Variants in SDK1 observed in about 807,000 individuals in gnomAD.
The protein encoded by SDK1 is protein sidekick-1.
SDK1 carries 157 observed loss-of-function variants against 245.5 expected under a neutral mutation model. The ratio of observed to expected loss-of-function variants is 0.64; its 90% CI spans 0.56 to 0.73. The LOEUF is 0.73. Among genes scored for constraint, SDK1 ranks in the 30% least tolerant of loss-of-function variants. SDK1 has a pLI of 0.00. For synonymous variants in SDK1, 1,647 were observed against 1,278.5 expected, an observed-to-expected ratio of 1.29 and a Z score of -6.15; for missense variants, 3,583 against 3,002.3, an observed-to-expected ratio of 1.19 and a Z score of -4.52.
At chr7:4,081,077 C>G (rs933838759) in intron 22 of SDK1, among the ~76,000 whole-genome samples, 2 of 152,206 alleles carry the variant, frequency 1.3e-5, no homozygotes, top group Non-Finnish European at 2.9e-5. Context: ...TGGTGTCTGA[C>G]GATGCCGCAT....
chr7:3,410,401 A>G (rs978697104), intron 1 of SDK1, among the ~76,000 whole-genome samples: 1 of 152,078 alleles, frequency 6.6e-6, no homozygotes, highest in Non-Finnish European at 1.5e-5. Context: ...CGCATTATGT[A>G]TATGCAAATA....
intron 1 of SDK1, among the ~76,000 whole-genome samples, chr7:3,411,384 TAC>T (rs1481266107): frequency 6.6e-6 from 1 of 152,196 alleles, no homozygotes; most frequent in Non-Finnish European, 1.5e-5. Flanking sequence ...TGACTACACA[TAC>T]AGTTATAAGA....
At chr7:3,628,637 T>A (rs932436430) in intron 2 of SDK1, among the ~76,000 whole-genome samples, 2 of 152,188 alleles carry the variant, frequency 1.3e-5, no homozygotes, top group African/African-American at 4.8e-5. Flanking sequence ...ATTGTCTAAT[T>A]CTATGGCTGA....
chr7:4,195,650 A>G (rs1230323581), intron 35 of SDK1, among the ~76,000 whole-genome samples: 1 of 152,182 alleles, frequency 6.6e-6, no homozygotes, highest in Non-Finnish European at 1.5e-5. Flanking sequence ...AGAAGCCAGA[A>G]TGCCCAGGTC....
Position 3,431,892 on chromosome 7 carries a change from C to T in SDK1, c.298+130008C>T, listed in dbSNP as rs192016455. On this transcript the variant is annotated intron_variant, in intron 1 of 44. Transcript: ENST00000404826. ...TTTTTTTTTAAATGGCTGAAGCCTG[C>T]GGTTTATAAAAAGATTCTCCCTAGA... Among the ~76,000 whole-genome samples, 541 of 151,824 alleles carry T rather than the reference C, an allele frequency of 3.6e-3. 2 individuals carry two copies. The highest frequency in any genetic ancestry group is 0.013 in the African/African-American group (523 of 41,412).
intron 20 of SDK1, among the ~76,000 whole-genome samples, chr7:4,076,359 G>A (rs1460780794): frequency 1.3e-5 from 2 of 152,256 alleles, no homozygotes; most frequent in East Asian, 3.9e-4. Flanking sequence ...TTCCAGACCA[G>A]CCTGGGCAAC....
At chr7:3,627,346 C>T (rs1315816898) in intron 2 of SDK1, among the ~76,000 whole-genome samples, 1 of 152,140 alleles carries the variant, frequency 6.6e-6, no homozygotes, top group East Asian at 1.9e-4. Context: ...TTCATACCTC[C>T]TTCAATAAGT....
At chr7:4,154,496 G>A (rs1398333414) in intron 30 of SDK1, among the ~76,000 whole-genome samples, 2 of 152,150 alleles carry the variant, frequency 1.3e-5, no homozygotes, top group Non-Finnish European at 2.9e-5. Context: ...GGCCCGGGGA[G>A]TCACCAGGCA....
At chr7:3,310,375 T>C (rs944954112) in intron 1 of SDK1, among the ~76,000 whole-genome samples, 1 of 152,168 alleles carries the variant, frequency 6.6e-6, no homozygotes, top group African/African-American at 2.4e-5. Flanking sequence ...GTAGATGTGT[T>C]GGACTGTAAC....
At chr7:4,162,474 C>A (rs996664540) in intron 32 of SDK1, among the ~76,000 whole-genome samples, 2 of 151,382 alleles carry the variant, frequency 1.3e-5, no homozygotes, top group African/African-American at 4.8e-5. Flanking sequence ...ATCTAGGCTC[C>A]CTGCAACCTC....
In SDK1 at chr7:4,174,298, G is replaced by A. The variant is rs759559618; in HGVS notation, c.4877G>A (p.Gly1626Glu). 5.3e-5 allele frequency: 85 copies of A among 1,613,924 alleles called. No homozygotes were observed. The highest frequency in any genetic ancestry group is 7.2e-5 in the Non-Finnish European group (85 of 1,179,836). The change falls in exon 33 of 45, where the codon GGG becomes GAG. Residue 1626 changes from glycine (G) to glutamate (E), a missense_variant. By Grantham distance (98) the Gly-to-Glu change is moderately conservative. Transcript: ENST00000404826. Reference sequence around the variant, plus strand: ...TACAGGGAGCTGGAGTATGAAGCCGGGTCAGGCACTGAGGCCAAGACGCTC... The same window carrying A: ...TACAGGGAGCTGGAGTATGAAGCCGAGTCAGGCACTGAGGCCAAGACGCTC... ...IYYRELEYEA[G>E]SGTEAKTLKN...
At chr7:4,227,827 T>C (rs1208185367) in intron 40 of SDK1, among the ~76,000 whole-genome samples, 2 of 152,214 alleles carry the variant, frequency 1.3e-5, no homozygotes, top group East Asian at 3.9e-4. Context: ...GAGGTGATCA[T>C]GTTTCTGGGT....
intron 22 of SDK1, among the ~76,000 whole-genome samples, chr7:4,088,067 T>TTACCCC (rs1781539947): frequency 1.3e-5 from 2 of 152,172 alleles, no homozygotes; most frequent in African/African-American, 4.8e-5. Flanking sequence ...GTGTCACAGA[T>TTACCCC]GAGACATCAA....
chr7:4,153,829 A>C (rs575598908), intron 30 of SDK1, among the ~76,000 whole-genome samples: 1 of 147,026 alleles, frequency 6.8e-6, no homozygotes, highest in Non-Finnish European at 1.5e-5. Context: ...GGCATATGCT[A>C]TCGTGCCTGG....
At chr7:3,599,126 C>T (rs73673639) in intron 1 of SDK1, among the ~76,000 whole-genome samples, 1,445 of 142,008 alleles carry the variant, frequency 0.01, 17 homozygotes, top group African/African-American at 0.028. Flanking sequence ...ACATCCTCAC[C>T]GGCATCTGGC....
chr7:3,434,805 TG>T (rs142989593), intron 1 of SDK1, among the ~76,000 whole-genome samples: 43 of 151,488 alleles, frequency 2.8e-4, no homozygotes, highest in African/African-American at 9.4e-4. Context: ...GATAGAATCA[TG>T]GGGGGGGACA....
chr7:4,009,059 T>C (rs565258322), intron 14 of SDK1, among the ~76,000 whole-genome samples: 1 of 152,324 alleles, frequency 6.6e-6, no homozygotes, highest in African/African-American at 2.4e-5. Context: ...CCAACACCTG[T>C]TATTTTCTGT....
At chr7:3,703,807 C>T (rs999677816) in intron 4 of SDK1, among the ~76,000 whole-genome samples, 2 of 152,130 alleles carry the variant, frequency 1.3e-5, no homozygotes, top group Non-Finnish European at 2.9e-5. Context: ...CTTCCCAAGA[C>T]GTGTGAATTT....
intron 28 of SDK1, among the ~76,000 whole-genome samples, chr7:4,135,394 C>A (rs1204854292): frequency 6.6e-6 from 1 of 152,182 alleles, no homozygotes; most frequent in Non-Finnish European, 1.5e-5. Context: ...CACTTCCAGG[C>A]CTTCGCCCTA....
Sources: allele counts gnomAD v4.1 joint callset (sites outside exome capture counted in the v4.1 genomes callset), GRCh38; gene constraint gnomAD v4.1.1; transcripts MANE v1.5; gene names NCBI Gene and HGNC (gene_info 2026-07-23, HGNC 2026-07-21).